The following SLIT2 variants were observed in gnomAD, a reference collection of about 807,000 sequenced individuals.
SLIT2 encodes slit homolog 2 protein.
Under a neutral mutation model 185.7 loss-of-function variants are expected in SLIT2, and 41 were observed. The ratio of observed to expected loss-of-function variants is 0.22; its 90% CI spans 0.17 to 0.29. SLIT2 has a LOEUF of 0.29. SLIT2 is among the 10% of genes least tolerant of loss of function. The pLI is 1.00. For missense variants in SLIT2, 1,571 were observed against 1,909.0 expected (o/e 0.82, Z 3.30); for synonymous variants, 693 against 680.2 (o/e 1.02, Z -0.29).
Position 20,575,348 on chromosome 4 carries a change from A to AT in SLIT2, c.3088+6351dup, listed in dbSNP as rs1725997593. ...AAACTTAATTGGAAATAGAATTTCC[A>AT]TTTTTTTCTAGCACCTGGGGGAATT... On this transcript the variant is annotated intron_variant, in intron 29 of 36. Transcript: ENST00000504154. 2.0e-5 allele frequency among the ~76,000 whole-genome samples: 3 copies of AT among 152,088 alleles called. No homozygotes were observed. In the South Asian group the frequency reaches 6.2e-4, roughly 31 times the overall value.
chr4:20,541,326 G>A, intron 19 of SLIT2, 127 bp from the exon 20 acceptor site: 1 of 728,974 alleles, frequency 1.4e-6, no homozygotes, highest in Non-Finnish European at 2.3e-6. Context: ...TAAGAATGGG[G>A]ACAGGGAATG....
chr4:20,616,754 C>T, intron 34 of SLIT2, 156 bp from the exon 35 acceptor site: 2 of 696,396 alleles, frequency 2.9e-6, no homozygotes, highest in Non-Finnish European at 2.4e-6. Context: ...AAACACACAT[C>T]TCTACATCTC....
At chr4:20,496,181 C>A (rs1181761542) in intron 9 of SLIT2, among the ~76,000 whole-genome samples, 1 of 152,144 alleles carries the variant, frequency 6.6e-6, no homozygotes, top group African/African-American at 2.4e-5. Flanking sequence ...GAGTGATCAA[C>A]TGCCTATAAA....
chr4:20,555,192 T>C (rs1393784752), intron 26 of SLIT2, among the ~76,000 whole-genome samples: 1 of 152,162 alleles, frequency 6.6e-6, no homozygotes, highest in African/African-American at 2.4e-5. Context: ...AACTCAATCC[T>C]AGGTGTTATG....
intron 30 of SLIT2, among the ~76,000 whole-genome samples, chr4:20,594,244 CATATACATATACAT>C (rs1191848017): frequency 2.1e-5 from 3 of 145,918 alleles, no homozygotes; most frequent in African/African-American, 7.8e-5. Context: ...TGTGTATATA[CATATACATATACAT>C]ACACGCATAT....
chr4:20,361,109 C>T (rs1445416927), intron 4 of SLIT2, among the ~76,000 whole-genome samples: 2 of 151,628 alleles, frequency 1.3e-5, no homozygotes, highest in African/African-American at 4.8e-5. Flanking sequence ...TTTTTAAAAA[C>T]CTTAGTAGAA....
At chr4:20,306,987 T>C (rs1228139033) in intron 4 of SLIT2, among the ~76,000 whole-genome samples, 1 of 152,122 alleles carries the variant, frequency 6.6e-6, no homozygotes, top group Admixed American at 6.5e-5. Context: ...AATTCATTTC[T>C]CTGATATACA....
chr4:20,436,343 C>T (rs904726976), intron 4 of SLIT2, among the ~76,000 whole-genome samples: 1 of 152,210 alleles, frequency 6.6e-6, no homozygotes, highest in African/African-American at 2.4e-5. Flanking sequence ...CTGCTTCCTT[C>T]TACCGTATTT....
At chr4:20,586,058 G>C (rs945856598) in intron 29 of SLIT2, among the ~76,000 whole-genome samples, 6 of 152,122 alleles carry the variant, frequency 3.9e-5, no homozygotes, top group Admixed American at 6.6e-5. Flanking sequence ...AGACATGCAG[G>C]CCAGTATTCA....
intron 4 of SLIT2, among the ~76,000 whole-genome samples, chr4:20,353,067 C>G (rs1722016294): frequency 6.6e-6 from 1 of 152,114 alleles, no homozygotes; most frequent in African/African-American, 2.4e-5. Flanking sequence ...GATGAATTCT[C>G]AGAGTATATC....
chr4:20,366,511 T>C (rs1286096043), intron 4 of SLIT2, among the ~76,000 whole-genome samples: 2 of 152,142 alleles, frequency 1.3e-5, no homozygotes, highest in Non-Finnish European at 2.9e-5. Context: ...TGAGGCAGTG[T>C]ATTTGATAAT....
chr4:20,312,771 C>CAAAAAAAA (rs34372893), intron 4 of SLIT2, among the ~76,000 whole-genome samples: 52 of 102,042 alleles, frequency 5.1e-4, no homozygotes, highest in Non-Finnish European at 6.7e-4. Flanking sequence ...GACTTTGTCT[C>CAAAAAAAA]AAAAAAAAAA....
chr4:20,419,642 G>A (rs1437230189), intron 4 of SLIT2, among the ~76,000 whole-genome samples: 1 of 150,150 alleles, frequency 6.7e-6, no homozygotes, highest in Non-Finnish European at 1.5e-5. Flanking sequence ...ACCTGGCTGT[G>A]TTGCTGTTAA....
intron 4 of SLIT2, among the ~76,000 whole-genome samples, chr4:20,457,991 T>C (rs1231308873): frequency 6.6e-6 from 1 of 150,852 alleles, no homozygotes; most frequent in Non-Finnish European, 1.5e-5. Flanking sequence ...GTAACTTGAC[T>C]AAGATCACTT....
intron 4 of SLIT2, among the ~76,000 whole-genome samples, chr4:20,368,219 C>CAAAAAAAAAAAAA (rs71653879): frequency 2.1e-3 from 225 of 106,698 alleles, no homozygotes; most frequent in East Asian, 2.6e-3. Context: ...CACAAAATAG[C>CAAAAAAAAAAAAA]AAAAAAAAAA....
chr4:20,542,389 G>A, intron 20 of SLIT2, 105 bp from the exon 21 acceptor site: 3 of 1,070,768 alleles, frequency 2.8e-6, no homozygotes, highest in Non-Finnish European at 4.2e-6. Flanking sequence ...TGATTATGTA[G>A]CTTAAGACTC....
At chr4:20,364,145 A>G (rs1577505502) in intron 4 of SLIT2, 1 of 381,162 alleles carries the variant, frequency 2.6e-6, no homozygotes, top group Non-Finnish European at 3.6e-6. Flanking sequence ...TTGTGTGCAA[A>G]TGATTTATTC....
intron 4 of SLIT2, among the ~76,000 whole-genome samples, chr4:20,365,211 T>C (rs536901087): frequency 1.3e-5 from 2 of 152,304 alleles, no homozygotes; most frequent in East Asian, 1.9e-4. Context: ...CATGCTGTTA[T>C]TCCTAACATT....
chr4:20,407,359 A>C (rs1726855676), intron 4 of SLIT2, among the ~76,000 whole-genome samples: 1 of 152,228 alleles, frequency 6.6e-6, no homozygotes. Flanking sequence ...TACTAGAAAC[A>C]GAAACACCGG....
Sources: gnomAD v4.1 joint callset for allele counts (sites outside exome capture counted in the v4.1 genomes callset) on GRCh38, gnomAD v4.1.1 for gene constraint, MANE v1.5 for transcripts, NCBI Gene and HGNC (gene_info 2026-07-23, HGNC 2026-07-21) for gene names.